SYNRG: variants seen among roughly 807,000 people sequenced by gnomAD.
SYNRG encodes AP1 gamma subunit binding protein 1.
Under a neutral mutation model 130.9 loss-of-function variants are expected in SYNRG, and 37 were observed. That is an observed-to-expected ratio of 0.28 (90% CI 0.22 to 0.37). The LOEUF (loss-of-function observed/expected upper bound fraction) is 0.37. SYNRG is among the 10% of genes least tolerant of loss of function. The pLI is 1.00. For missense variants in SYNRG, 1,338 were observed against 1,588.9 expected, an observed-to-expected ratio of 0.84 and a Z score of 2.68; for synonymous variants, 539 against 568.1, an observed-to-expected ratio of 0.95 and a Z score of 0.73.
intron 3 of SYNRG, among the ~76,000 whole-genome samples, chr17:37,592,563 C>T (rs181847146): frequency 1.0e-3 from 152 of 152,294 alleles, no homozygotes; most frequent in Non-Finnish European, 1.7e-3. Flanking sequence ...TGTCATACAT[C>T]CACACCATGG....
At chr17:37,566,176 G>C (rs1042491906) in intron 11 of SYNRG, among the ~76,000 whole-genome samples, 17 of 152,280 alleles carry the variant, frequency 1.1e-4, no homozygotes, top group Non-Finnish European at 2.4e-4. Flanking sequence ...GACAATGGCG[G>C]CTTTGTGGAA....
In SYNRG at chr17:37,553,291, T is replaced by G. The variant is rs745978470; in HGVS notation, c.2432A>C (p.Lys811Thr). Residue 811 changes from lysine (K) to threonine (T), a missense_variant, in exon 14 of 22, where the codon AAG (lysine) becomes ACG (threonine). Lys to Thr is a moderately conservative substitution (Grantham distance 78). Coordinates refer to ENST00000612223, the MANE Select transcript of SYNRG (RefSeq NM_007247.6). Reference sequence around the variant, plus strand: ...ACCAATGGAAGGGAGATCTAAGGACTTCACTGATGCAGAGTCTTCTTTGGT... The same window carrying G: ...ACCAATGGAAGGGAGATCTAAGGACGTCACTGATGCAGAGTCTTCTTTGGT... ...RHTKEDSASV[K>T]SLDLPSIGGS... 6.2e-7 allele frequency: 1 copy of G among 1,614,040 alleles called. No homozygotes were observed. The highest frequency in any genetic ancestry group is 8.5e-7 in the Non-Finnish European group (1 of 1,179,988).
chr17:37,519,113 T>G lies in SYNRG; in HGVS notation c.3814-42A>C. On this transcript the variant is annotated intron_variant, in intron 21 of 21. Coordinates refer to ENST00000612223, the MANE Select transcript of SYNRG (RefSeq NM_007247.6). ...GAGATGTGGGGCAAGTCAGGCTTTT[T>G]CTGCATCTCAGAGCTTTTCAGCAAC... The G allele has an allele frequency of 1.9e-6, 3 of 1,602,648 alleles. No individual in the cohort carries two copies. In the Admixed American group the frequency reaches 5.0e-5, roughly 27 times the overall value.
chr17:37,541,677 C>T (rs1203525087), intron 15 of SYNRG: 2 of 439,172 alleles, frequency 4.6e-6, no homozygotes, highest in South Asian at 4.1e-5. Context: ...ACAAGTGGCT[C>T]GAATCCATTT....
At chr17:37,561,994 T>A in intron 11 of SYNRG, among the ~76,000 whole-genome samples, 1 of 151,128 alleles carries the variant, frequency 6.6e-6, no homozygotes, top group Non-Finnish European at 1.5e-5. Flanking sequence ...GTATACTCAA[T>A]ATTTTAAAAT....
At position 37,542,215 on chromosome 17, in the gene SYNRG, C is replaced by T; in HGVS notation, c.2959G>A (p.Asp987Asn). 2 of 1,614,180 alleles carry T rather than the reference C, an allele frequency of 1.2e-6. No homozygotes were observed. The highest frequency in any genetic ancestry group is 2.2e-5 in the East Asian group (1 of 44,888). Reference sequence around the variant, plus strand: ...GTAGGCAGGTCCTGTTTTGTGAAATCTTTATAGTCTCTGTTTTCATATTCC... The same window carrying T: ...GTAGGCAGGTCCTGTTTTGTGAAATTTTTATAGTCTCTGTTTTCATATTCC... ...QKEYENRDYK[D>N]FTKQDLPTAE... The change falls in exon 15 of 22, where the codon GAT (aspartate) becomes AAT (asparagine). Residue 987 changes from aspartate (D) to asparagine (N), a missense_variant. Asp to Asn is a conservative substitution (Grantham distance 23). Coordinates refer to ENST00000612223, the MANE Select transcript of SYNRG (RefSeq NM_007247.6).
intron 1 of SYNRG, among the ~76,000 whole-genome samples, chr17:37,602,732 A>G (rs1278975416): frequency 6.6e-6 from 1 of 152,124 alleles, no homozygotes; most frequent in Non-Finnish European, 1.5e-5. Context: ...CACGCGAAGG[A>G]GCAAAAGGGG....
At chr17:37,563,127 GTTCT>G (rs1281685479) in intron 11 of SYNRG, among the ~76,000 whole-genome samples, 2 of 152,126 alleles carry the variant, frequency 1.3e-5, no homozygotes, top group African/African-American at 4.8e-5. Flanking sequence ...TTTCATTCCA[GTTCT>G]TTCTCTGAAG....
At chr17:37,599,119 GTC>G (rs1392010958) in intron 2 of SYNRG, among the ~76,000 whole-genome samples, 3 of 152,192 alleles carry the variant, frequency 2.0e-5, no homozygotes, top group Admixed American at 1.3e-4. Flanking sequence ...TGACCTAGGA[GTC>G]TCTGTTTCTT....
At chr17:37,533,443 T>C (rs2056847019) in intron 19 of SYNRG, among the ~76,000 whole-genome samples, 1 of 149,352 alleles carries the variant, frequency 6.7e-6, no homozygotes, top group South Asian at 2.1e-4. Flanking sequence ...GTGTGCAGAA[T>C]AGATTGCTAG....
At chr17:37,571,489 C>A (rs543589651) in intron 9 of SYNRG, among the ~76,000 whole-genome samples, 3 of 152,070 alleles carry the variant, frequency 2.0e-5, no homozygotes, top group African/African-American at 7.2e-5. Context: ...GGCTGAGGCA[C>A]GAGAATCACT....
chr17:37,545,802 A>G (rs1249697956), intron 14 of SYNRG, among the ~76,000 whole-genome samples: 2 of 152,234 alleles, frequency 1.3e-5, no homozygotes, highest in South Asian at 2.1e-4. Context: ...CTCAAAATTG[A>G]GTTTTAAATT....
chr17:37,520,835 C>T (rs1053179969), intron 19 of SYNRG, among the ~76,000 whole-genome samples, 187 bp from the exon 20 acceptor site: 7 of 152,096 alleles, frequency 4.6e-5, no homozygotes, highest in Non-Finnish European at 7.4e-5. Context: ...GGAAGGCCGG[C>T]ACCAGTACAA....
At chr17:37,585,854 G>T (rs946210176) in intron 4 of SYNRG, among the ~76,000 whole-genome samples, 5 of 152,172 alleles carry the variant, frequency 3.3e-5, no homozygotes, top group Admixed American at 6.5e-5. Flanking sequence ...GGCTTTGCTG[G>T]TAACTGTGTA....
intron 14 of SYNRG, among the ~76,000 whole-genome samples, chr17:37,552,478 A>C (rs2058782413): frequency 6.6e-6 from 1 of 152,186 alleles, no homozygotes; most frequent in Non-Finnish European, 1.5e-5. Flanking sequence ...GTTACAACTT[A>C]ATATTTCCAG....
intron 19 of SYNRG, among the ~76,000 whole-genome samples, chr17:37,528,466 A>G (rs2056222826): frequency 6.6e-6 from 1 of 152,180 alleles, no homozygotes; most frequent in Non-Finnish European, 1.5e-5. Context: ...AGTAGTAGTA[A>G]TAATAGTAAT....
At chr17:37,573,186 A>G (rs2146074139) in intron 8 of SYNRG, among the ~76,000 whole-genome samples, 1 of 152,146 alleles carries the variant, frequency 6.6e-6, no homozygotes, top group African/African-American at 2.4e-5. Context: ...GGCGGGTCAC[A>G]AGGTCAGGAG....
At chr17:37,540,613 G>T in intron 15 of SYNRG, 70 bp from the exon 16 acceptor site, 2 of 1,359,970 alleles carry the variant, frequency 1.5e-6, no homozygotes, top group South Asian at 1.5e-5. Context: ...GCTCTTCCTC[G>T]CTACCACAAC....
At chr17:37,538,448 AC>A in intron 17 of SYNRG, 28 bp from the exon 18 acceptor site, 2 of 1,501,524 alleles carry the variant, frequency 1.3e-6, no homozygotes, top group Non-Finnish European at 1.8e-6. Flanking sequence ...ACATCACCTT[AC>A]ATAACTGAGA....
Sources: allele counts gnomAD v4.1 joint callset (sites outside exome capture counted in the v4.1 genomes callset), GRCh38; gene constraint gnomAD v4.1.1; transcripts MANE v1.5; gene names NCBI Gene and HGNC (gene_info 2026-07-23, HGNC 2026-07-21).